Variants in TTI1 observed in about 807,000 individuals in gnomAD.
The protein encoded by TTI1 is TELO2-interacting protein 1 homolog.
TTI1 carries 52 observed loss-of-function variants against 85.4 expected under a neutral mutation model. That is an observed-to-expected ratio of 0.61 (90% CI 0.49 to 0.77). TTI1 has a LOEUF of 0.77. Among genes scored for constraint, TTI1 ranks in the 30% least tolerant of loss-of-function variants. The probability of loss-of-function intolerance (pLI) is 0.00; values close to 1 mark genes in which losing one functional copy is unlikely to be tolerated. For missense variants in TTI1, 1,173 were observed against 1,296.0 expected (o/e 0.91, Z 1.46); for synonymous variants, 512 against 503.9 (o/e 1.02, Z -0.22).
intron 3 of TTI1, chr20:38,005,888 TA>T (rs1348668950): frequency 8.8e-6 from 3 of 339,752 alleles, no homozygotes; most frequent in Non-Finnish European, 1.7e-5. Context: ...AGAAGCAACC[TA>T]AATGTCCTAC....
intron 1 of TTI1, among the ~76,000 whole-genome samples, chr20:38,020,485 G>A (rs2073755653): frequency 6.6e-6 from 1 of 150,378 alleles, no homozygotes; most frequent in African/African-American, 2.4e-5. Context: ...GACACAAAAA[G>A]AAAAAAACTG....
intron 1 of TTI1, among the ~76,000 whole-genome samples, chr20:38,015,742 A>C (rs1412647006): frequency 6.6e-6 from 1 of 152,226 alleles, no homozygotes; most frequent in African/African-American, 2.4e-5. Flanking sequence ...TCCACTGATG[A>C]AATTTTTAAA....
chr20:38,020,317 AAAAAAAATATAT>A (rs1173144633), intron 1 of TTI1, among the ~76,000 whole-genome samples: 17 of 44,050 alleles, frequency 3.9e-4, no homozygotes, highest in African/African-American at 2.3e-3. Context: ...TATGAAAAAA[AAAAAAAATATAT>A]ATATATATAT....
chr20:38,007,982 G>C lies in TTI1; in HGVS notation c.2303-1585C>G, dbSNP rs892052821. ...TGCAAAGATTATTTCTAGATTCAAGGCTGGTGACAGACATTAAAATGTCTT... is the reference window on the plus strand; with the variant it reads ...TGCAAAGATTATTTCTAGATTCAAGCCTGGTGACAGACATTAAAATGTCTT... On this transcript the variant is annotated intron_variant, in intron 2 of 7. Transcript: ENST00000373447. Among the ~76,000 whole-genome samples, 88 of 152,206 alleles carry C rather than the reference G, an allele frequency of 5.8e-4. 1 individual carries two copies. The highest frequency in any genetic ancestry group is 1.1e-3 in the Non-Finnish European group (75 of 68,036).
At chr20:37,989,666 CT>C in intron 7 of TTI1, among the ~76,000 whole-genome samples, 1 of 152,348 alleles carries the variant, frequency 6.6e-6, no homozygotes, top group South Asian at 2.1e-4. Context: ...TGACTCGGAC[CT>C]TTCCCCCAGC....
At position 37,997,964 on chromosome 20, in the gene TTI1, C is replaced by T. The variant is rs368688840; in HGVS notation, c.2794-1011G>A. Among the ~76,000 whole-genome samples, 40 of 152,330 alleles carry T rather than the reference C, an allele frequency of 2.6e-4. No individual in the cohort carries two copies. The South Asian group carries it at 6.6e-3, about 25-fold the overall frequency. On this transcript the variant is annotated intron_variant, in intron 5 of 7. Coordinates refer to ENST00000373447, the MANE Select transcript of TTI1 (RefSeq NM_001303457.2). ...TTTTCGAGATGGAGTCTCACTCTGT[C>T]GCACAGGCTGGATGGAGTGCAGTGG...
rs1352261840 is a variant in TTI1 at position 37,987,426 on chromosome 20, T to A, written c.3087-3787A>T. On this transcript the variant is annotated intron_variant, in intron 7 of 7. Transcript: ENST00000373447. Reference sequence around the variant, plus strand: ...TGAACATACCAAATGGCCAGTTCCATCTTTTTTCAAACCCAAAGAGAAACA... The same window carrying A: ...TGAACATACCAAATGGCCAGTTCCAACTTTTTTCAAACCCAAAGAGAAACA... The A allele has an allele frequency of 3.4e-5, 15 of 437,886 alleles. No homozygotes were observed. In the East Asian group the frequency reaches 9.2e-4, roughly 27 times the overall value. The allele number at this position is 437,886 out of a possible 1,614,324, so 27.1% of individuals were successfully genotyped here.
chr20:38,001,877 C>T (rs565123936), intron 4 of TTI1, among the ~76,000 whole-genome samples: 1 of 152,260 alleles, frequency 6.6e-6, no homozygotes, highest in East Asian at 1.9e-4. Context: ...CACCACCATG[C>T]CCGGTTAATT....
intron 7 of TTI1, among the ~76,000 whole-genome samples, chr20:37,990,543 C>A (rs1221144710): frequency 6.6e-6 from 1 of 152,192 alleles, no homozygotes; most frequent in Admixed American, 6.5e-5. Flanking sequence ...CTTGGCTCAT[C>A]ATAAGAGACC....
intron 1 of TTI1, among the ~76,000 whole-genome samples, chr20:38,023,008 G>A (rs1019976250): frequency 3.3e-5 from 5 of 152,162 alleles, no homozygotes; most frequent in African/African-American, 1.2e-4. Context: ...TGGAAAGAAC[G>A]ACTGGGTTTA....
intron 1 of TTI1, among the ~76,000 whole-genome samples, chr20:38,019,437 A>G (rs1164622865): frequency 1.3e-5 from 2 of 152,162 alleles, no homozygotes; most frequent in Non-Finnish European, 2.9e-5. Flanking sequence ...TTAAGTGTCT[A>G]AGAGTCTAGT....
chr20:38,014,604 C>A (rs1194172339), intron 1 of TTI1, among the ~76,000 whole-genome samples: 1 of 151,982 alleles, frequency 6.6e-6, no homozygotes, highest in Non-Finnish European at 1.5e-5. Flanking sequence ...AAGGGGGTAC[C>A]CAGAGAGATG....
rs762540124 is a variant in TTI1 at position 38,006,184 on chromosome 20, A to G, written c.2503+13T>C. The G allele has an allele frequency of 3.7e-6, 6 of 1,613,674 alleles. No individual in the cohort carries two copies. In the African/African-American group the frequency reaches 8.0e-5, roughly 22 times the overall value. ...GAAAGAAAAAACCAGCTAAGCCAAA[A>G]TAAACAAGTTACCTTCTTCATTATC... On this transcript the variant is annotated intron_variant, in intron 3 of 7. Transcript: ENST00000373447.
intron 2 of TTI1, among the ~76,000 whole-genome samples, chr20:38,006,747 G>T (rs11908671): frequency 0.021 from 3,123 of 152,282 alleles, 98 homozygotes; most frequent in African/African-American, 0.07. Context: ...TCACTTACAT[G>T]ATGTCTTATA....
intron 7 of TTI1, among the ~76,000 whole-genome samples, chr20:37,994,599 C>A (rs937720341): frequency 1.3e-5 from 2 of 152,192 alleles, no homozygotes; most frequent in African/African-American, 4.8e-5. Flanking sequence ...AGCTCTTGAT[C>A]AAGGATCAAG....
At position 38,009,502 on chromosome 20, in the gene TTI1, TTTTA is replaced by T. The variant is rs888551919; in HGVS notation, c.2302+2009_2302+2012del. ...TCCTTCTGGGCCTTCCCACCTGAAT[TTTTA>T]TTTATTTATTTTTTTTTTTGAGACA... On this transcript the variant is annotated intron_variant, in intron 2 of 7. Coordinates refer to ENST00000373447, the MANE Select transcript of TTI1 (RefSeq NM_001303457.2). Among the ~76,000 whole-genome samples, 12 of 151,716 alleles carry T rather than the reference TTTTA, an allele frequency of 7.9e-5. No individual in the cohort carries two copies. In the East Asian group the frequency reaches 9.7e-4, roughly 12 times the overall value.
intron 7 of TTI1, among the ~76,000 whole-genome samples, chr20:37,985,230 C>T (rs534977095): frequency 2.4e-4 from 37 of 152,318 alleles, no homozygotes; most frequent in Non-Finnish European, 4.7e-4. Context: ...CAGTCTAGCA[C>T]GTGATCCCTA....
In TTI1 at chr20:38,013,626, C is replaced by T. The variant is rs1245375679; in HGVS notation, c.191G>A (p.Gly64Asp). ...FPLRFTLKTP[G>D]PKRERLIQSV... ...TTGGATCAAACGCTCTCTTTTGGGA[C>T]CTGGGGTCTTCAGGGTAAATCGCAG... Residue 64 changes from glycine (G) to aspartate (D), a missense_variant, in exon 2 of 8, where the codon GGT (glycine) becomes GAT (aspartate). Physicochemically the swap from Gly to Asp is moderately conservative, Grantham distance 94. Transcript: ENST00000373447. The T allele has an allele frequency of 3.7e-6, 6 of 1,614,090 alleles. No homozygotes were observed. Among genetic ancestry groups the T allele is most frequent in the African/African-American group, 1.3e-5 (1 of 74,922 alleles).
In TTI1 at chr20:37,983,384, G is replaced by C. The variant is rs1445618401; in HGVS notation, c.*72C>G. 2.0e-6 allele frequency: 3 copies of C among 1,500,582 alleles called. No individual in the cohort carries two copies. Among genetic ancestry groups the C allele is most frequent in the Non-Finnish European group, 2.7e-6 (3 of 1,116,960 alleles). 93.0% of individuals were successfully genotyped at this position (1,500,582 alleles called of 1,614,324 possible). On this transcript the variant is annotated 3_prime_UTR_variant, in exon 8 of 8. Transcript: ENST00000373447. ...GCTGCCGCTGCCACCGCCTATGGCC[G>C]GGGTGGGGTCAGCCCAGCTTCTGGC...
Sources: gnomAD v4.1 joint callset for allele counts (sites outside exome capture counted in the v4.1 genomes callset) on GRCh38, gnomAD v4.1.1 for gene constraint, MANE v1.5 for transcripts, NCBI Gene and HGNC (gene_info 2026-07-23, HGNC 2026-07-21) for gene names.